Variants in USP25 observed in about 807,000 individuals in gnomAD.
The protein encoded by USP25 is ubiquitin specific peptidase 25.
A neutral mutation model predicts 158.5 loss-of-function variants in USP25; 85 were observed. The observed-to-expected ratio is 0.54, with a 90% CI of 0.45 to 0.64. The LOEUF is 0.64. Ranked by LOEUF, USP25 falls within the 30% of genes least tolerant of loss-of-function variation. USP25 has a pLI of 0.00. For synonymous variants in USP25, 464 were observed against 460.4 expected (o/e 1.01, Z -0.10); for missense variants, 1,242 against 1,327.3 (o/e 0.94, Z 1.00).
At chr21:15,784,325 C>T (rs1568800358) in intron 4 of USP25, among the ~76,000 whole-genome samples, 1 of 152,156 alleles carries the variant, frequency 6.6e-6, no homozygotes, top group Non-Finnish European at 1.5e-5. Flanking sequence ...GTAATGCCAG[C>T]ACTTTCGGAG....
At position 15,816,665 on chromosome 21, in the gene USP25, A is replaced by G. The variant is rs1431520382; in HGVS notation, c.932-2033A>G. ...TCAGTGCCTTAATTTCCTGCTGTCAATAAGCCAGCAATTCTATCTTTATTC... is the reference window on the plus strand; with the variant it reads ...TCAGTGCCTTAATTTCCTGCTGTCAGTAAGCCAGCAATTCTATCTTTATTC... On this transcript the variant is annotated intron_variant, in intron 9 of 25. Transcript: ENST00000400183. The surrounding 1 kb of genome is among the most constrained non-coding windows in gnomAD (Gnocchi z 4.0). Among the ~76,000 whole-genome samples the G allele has an allele frequency of 1.3e-5, 2 of 152,156 alleles. No individual in the cohort carries two copies. The highest frequency in any genetic ancestry group is 2.4e-5 in the African/African-American group (1 of 41,442).
intron 25 of USP25, 74 bp from the exon 26 acceptor site, chr21:15,878,229 A>G: frequency 6.5e-7 from 1 of 1,533,760 alleles, no homozygotes; most frequent in Non-Finnish European, 8.8e-7. Context: ...GTAAGTTAAT[A>G]TTAGTAAATC....
Position 15,850,333 on chromosome 21 carries a change from TTTG to T in USP25, c.2547+464_2547+466del, listed in dbSNP as rs759810500. Among the ~76,000 whole-genome samples the T allele has an allele frequency of 8.6e-4, 131 of 152,190 alleles. No individual in the cohort carries two copies. In the Middle Eastern group the frequency reaches 0.01, roughly 12 times the overall value. ...AAAATGATTTATTTATTATATTATT[TTTG>T]TTATGTTTCCCCATAATTAATTTTT... On this transcript the variant is annotated intron_variant, in intron 20 of 25. Coordinates refer to ENST00000400183, the MANE Select transcript of USP25 (RefSeq NM_001283041.3).
At chr21:15,731,871 C>T (rs1484474092) in intron 1 of USP25, among the ~76,000 whole-genome samples, 1 of 152,152 alleles carries the variant, frequency 6.6e-6, no homozygotes, top group Non-Finnish European at 1.5e-5. Flanking sequence ...GAACGCTAAG[C>T]AATATTTAAT....
intron 22 of USP25, 100 bp downstream of exon 22, chr21:15,866,444 A>G: frequency 1.3e-6 from 1 of 780,670 alleles, no homozygotes. Context: ...TTTGTTATGA[A>G]TGATGAGTAA....
At chr21:15,761,056 C>G (rs2033692878) in intron 1 of USP25, among the ~76,000 whole-genome samples, 1 of 152,182 alleles carries the variant, frequency 6.6e-6, no homozygotes, top group African/African-American at 2.4e-5. Flanking sequence ...ATGGCATAGA[C>G]ATTTTTGAAG....
Position 15,730,327 on chromosome 21 carries a change from C to G in USP25, c.-67C>G, listed in dbSNP as rs2030658640. The G allele has an allele frequency of 9.4e-7, 1 of 1,065,500 alleles. No individual in the cohort carries two copies. Among genetic ancestry groups the G allele is most frequent in the East Asian group, 7.5e-5 (1 of 13,410 alleles). The allele number at this position is 1,065,500 out of a possible 1,614,324, so 66.0% of individuals were successfully genotyped here. A position where few individuals can be genotyped will look rare whatever the true frequency, so the allele number is the denominator to read the frequency against. ...CCTGGAGCTCGGCGGAGCGCGGCAG[C>G]CAGGGCCGGCGGAGGCGCGAGGAGC... is the stretch of plus-strand genomic sequence containing the variant. On this transcript the variant is annotated 5_prime_UTR_variant, in exon 1 of 26. Coordinates refer to ENST00000400183, the MANE Select transcript of USP25 (RefSeq NM_001283041.3).
intron 1 of USP25, among the ~76,000 whole-genome samples, chr21:15,738,056 C>A (rs2031691482): frequency 6.6e-6 from 1 of 152,062 alleles, no homozygotes; most frequent in South Asian, 2.1e-4. Context: ...TTAAAAAGTT[C>A]TTTTGTTATC....
intron 20 of USP25, among the ~76,000 whole-genome samples, chr21:15,861,312 C>T: frequency 6.6e-6 from 1 of 152,012 alleles, no homozygotes; most frequent in East Asian, 1.9e-4. Flanking sequence ...GAATAAATGG[C>T]ATTAAGCCTG....
chr21:15,827,208 G>A lies in USP25; in HGVS notation c.1693+5G>A. On this transcript the variant is annotated splice_donor_5th_base_variant and intron_variant, in intron 14 of 25. Transcript: ENST00000400183. ...AAATAGAAAATGACACCAGAGGTAA[G>A]AAGTGTCTCATAGCATGGTTACTGT... 1.9e-6 allele frequency: 3 copies of A among 1,611,710 alleles called. No individual in the cohort carries two copies. The highest frequency in any genetic ancestry group is 2.5e-6 in the Non-Finnish European group (3 of 1,177,920).
chr21:15,823,611 T>G (rs1305877434), intron 10 of USP25, among the ~76,000 whole-genome samples: 1 of 151,644 alleles, frequency 6.6e-6, no homozygotes, highest in African/African-American at 2.4e-5. Flanking sequence ...ATGATATAAA[T>G]TTTTTTTTGA....
At chr21:15,868,694 A>C (rs1266196993) in intron 22 of USP25, among the ~76,000 whole-genome samples, 1 of 152,170 alleles carries the variant, frequency 6.6e-6, no homozygotes, top group Non-Finnish European at 1.5e-5. Context: ...ATTTGTATAC[A>C]TATTGTCTGT....
At chr21:15,839,833 TG>T (rs2038243899) in intron 17 of USP25, among the ~76,000 whole-genome samples, 1 of 152,174 alleles carries the variant, frequency 6.6e-6, no homozygotes, top group Admixed American at 6.5e-5. Context: ...GAAATTTTCC[TG>T]TCATTATGGC....
intron 1 of USP25, among the ~76,000 whole-genome samples, chr21:15,733,131 G>GGC (rs2031108959): frequency 1.2e-4 from 1 of 8,134 alleles, no homozygotes; most frequent in Non-Finnish European, 3.3e-4. Flanking sequence ...ACTCCACGGC[G>GGC]CCCCCCCCCC....
At chr21:15,748,189 A>G (rs2032712273) in intron 1 of USP25, among the ~76,000 whole-genome samples, 1 of 152,178 alleles carries the variant, frequency 6.6e-6, no homozygotes, top group African/African-American at 2.4e-5. Flanking sequence ...CCTTCCCATT[A>G]ATACTCTGCC....
At chr21:15,771,276 G>A (rs2034335153) in intron 3 of USP25, among the ~76,000 whole-genome samples, 2 of 150,992 alleles carry the variant, frequency 1.3e-5, no homozygotes, top group Non-Finnish European at 2.9e-5. Context: ...GCTGGGCATA[G>A]GATAATATGT....
At chr21:15,814,154 C>T (rs1392810122) in intron 9 of USP25, among the ~76,000 whole-genome samples, 1 of 149,402 alleles carries the variant, frequency 6.7e-6, no homozygotes, top group Non-Finnish European at 1.5e-5. Flanking sequence ...TGAGATTTAT[C>T]TGGGGTTTCC....
At chr21:15,747,546 A>G (rs946523936) in intron 1 of USP25, among the ~76,000 whole-genome samples, 5 of 152,144 alleles carry the variant, frequency 3.3e-5, no homozygotes, top group East Asian at 3.8e-4. Context: ...TAGGTAATTT[A>G]TAAATTAGTA....
chr21:15,857,747 TTTATAGA>T (rs973920252), intron 20 of USP25, among the ~76,000 whole-genome samples: 51 of 152,156 alleles, frequency 3.4e-4, no homozygotes, highest in African/African-American at 1.2e-3. Flanking sequence ...AGCAACTCTT[TTTATAGA>T]TTTGGTCCTG....
Sources: allele counts gnomAD v4.1 joint callset (sites outside exome capture counted in the v4.1 genomes callset), GRCh38; gene constraint gnomAD v4.1.1; non-coding constraint Gnocchi (gnomAD v3.1); transcripts MANE v1.5; gene names NCBI Gene and HGNC (gene_info 2026-07-23, HGNC 2026-07-21).